SHLD1: variants seen among roughly 807,000 people sequenced by gnomAD.
SHLD1 encodes the protein RINN1-REV7-interacting novel NHEJ regulator 3.
In SHLD1, 3 loss-of-function variants were observed where a neutral mutation model predicts 5.5. That is an observed-to-expected ratio of 0.54 (90% confidence interval 0.25 to 1.40). The LOEUF (loss-of-function observed/expected upper bound fraction) is 1.40. Among genes scored for constraint, SHLD1 ranks in the 40% most tolerant of loss-of-function variants. The pLI is 0.15. For synonymous variants in SHLD1, 92 were observed against 94.3 expected, an observed-to-expected ratio of 0.98 and a Z score of 0.14; for missense variants, 210 against 244.4, an observed-to-expected ratio of 0.86 and a Z score of 0.94.
At chr20:5,830,688 T>TAAA (rs33975362) in intron 2 of SHLD1, among the ~76,000 whole-genome samples, 1 of 131,294 alleles carries the variant, frequency 7.6e-6, no homozygotes. Flanking sequence ...AACTCCGTCT[T>TAAA]AAAAAAAAAA....
At chr20:5,838,229 G>A (rs886843186) in intron 2 of SHLD1, among the ~76,000 whole-genome samples, 1 of 152,174 alleles carries the variant, frequency 6.6e-6, no homozygotes, top group Non-Finnish European at 1.5e-5. Flanking sequence ...GTAATAGGAT[G>A]TCAACACATA....
In SHLD1 at chr20:5,863,473, G is replaced by C; in HGVS notation, c.*10G>C. 1 of 1,584,386 alleles carries C rather than the reference G, an allele frequency of 6.3e-7. No homozygotes were observed. Among genetic ancestry groups the C allele is most frequent in the Non-Finnish European group, 8.6e-7 (1 of 1,166,084 alleles). ...AATGAAAGACCTGTAACTGGTGCCG[G>C]GCAGTGTGCAGGGTAGTAATGGAGG... On this transcript the variant is annotated 3_prime_UTR_variant, in exon 3 of 3. Transcript: ENST00000303142.
intron 2 of SHLD1, among the ~76,000 whole-genome samples, chr20:5,836,413 T>G (rs1026328646): frequency 6.6e-6 from 1 of 151,990 alleles, no homozygotes; most frequent in African/African-American, 2.4e-5. Context: ...CTTTTTAATG[T>G]CCCTGACCAG....
At chr20:5,777,993 GT>G in intron 2 of SHLD1, among the ~76,000 whole-genome samples, 1 of 151,890 alleles carries the variant, frequency 6.6e-6, no homozygotes, top group East Asian at 1.9e-4. Flanking sequence ...ACTTTTATAT[GT>G]TTTGCCACAA....
At chr20:5,847,960 T>G (rs552391157) in intron 2 of SHLD1, among the ~76,000 whole-genome samples, 1 of 152,174 alleles carries the variant, frequency 6.6e-6, no homozygotes, top group Non-Finnish European at 1.5e-5. Context: ...GAGGCCTTAT[T>G]TGTGATAGTG....
rs769080325 is a variant in SHLD1, at chr20:5,863,489, G to A, written c.*26G>A. The stretch of plus-strand genomic sequence containing the variant: ...CTGGTGCCGGGCAGTGTGCAGGGTA[G>A]TAATGGAGGTGCTGTGCCATGACCA... On this transcript the variant is annotated 3_prime_UTR_variant, in exon 3 of 3. Transcript: ENST00000303142. 1 of 1,564,218 alleles carries A rather than the reference G, an allele frequency of 6.4e-7. No individual in the cohort carries two copies. The highest frequency in any genetic ancestry group is 2.2e-5 in the East Asian group (1 of 44,686).
At chr20:5,799,846 A>G (rs2087266280) in intron 2 of SHLD1, among the ~76,000 whole-genome samples, 1 of 152,196 alleles carries the variant, frequency 6.6e-6, no homozygotes, top group African/African-American at 2.4e-5. Flanking sequence ...TGACCTAAAC[A>G]TGAGAACCTG....
At chr20:5,758,920 G>GTT (rs112543692) in intron 1 of SHLD1, among the ~76,000 whole-genome samples, 2 of 120,732 alleles carry the variant, frequency 1.7e-5, no homozygotes, top group Non-Finnish European at 1.8e-5. Flanking sequence ...TGTCAAATGT[G>GTT]TTTTTTTTTT....
chr20:5,764,340 A>T (rs117715622), intron 1 of SHLD1, among the ~76,000 whole-genome samples: 12 of 150,348 alleles, frequency 8.0e-5, no homozygotes, highest in South Asian at 4.2e-4. Context: ...TTAACTCCAC[A>T]AATGAGTATG....
intron 2 of SHLD1, among the ~76,000 whole-genome samples, chr20:5,779,972 GTTTTTTTTTTT>G (rs11381238): frequency 7.3e-5 from 6 of 81,786 alleles, no homozygotes; most frequent in African/African-American, 2.4e-4. Flanking sequence ...TACAATTTCT[GTTTTTTTTTTT>G]TTTTTTTTTT....
intron 1 of SHLD1, chr20:5,772,060 G>A (rs969129635): frequency 2.9e-5 from 12 of 412,448 alleles, no homozygotes; most frequent in Non-Finnish European, 5.9e-5. Flanking sequence ...ATTTGTAGTA[G>A]AGACAGGGTT....
At chr20:5,773,313 A>G in intron 2 of SHLD1, 1 of 603,592 alleles carries the variant, frequency 1.7e-6, no homozygotes, top group Non-Finnish European at 3.0e-6. Context: ...CTCAAAATGA[A>G]TTCAGAAGCA....
chr20:5,751,063 T>C (rs961294365), intron 1 of SHLD1, among the ~76,000 whole-genome samples: 4 of 152,172 alleles, frequency 2.6e-5, no homozygotes, highest in African/African-American at 9.7e-5. Flanking sequence ...TGTGCATCTA[T>C]TACTGTGATC....
intron 2 of SHLD1, among the ~76,000 whole-genome samples, chr20:5,799,090 C>A: frequency 6.6e-6 from 1 of 152,052 alleles, no homozygotes; most frequent in East Asian, 1.9e-4. Flanking sequence ...GTAGTCCTAG[C>A]TACTCAGGAG....
At chr20:5,858,150 G>A (rs961580675) in intron 2 of SHLD1, among the ~76,000 whole-genome samples, 3 of 150,752 alleles carry the variant, frequency 2.0e-5, no homozygotes, top group Non-Finnish European at 2.9e-5. Context: ...TAACCTCCTT[G>A]AAACCATACA....
intron 2 of SHLD1, among the ~76,000 whole-genome samples, chr20:5,859,460 G>C (rs2088132289): frequency 6.6e-6 from 1 of 152,194 alleles, no homozygotes; most frequent in South Asian, 2.1e-4. Flanking sequence ...CCCTTTGACA[G>C]CTCTACAAGG....
intron 2 of SHLD1, among the ~76,000 whole-genome samples, chr20:5,822,032 T>C (rs1441447995): frequency 6.6e-6 from 1 of 152,236 alleles, no homozygotes; most frequent in Non-Finnish European, 1.5e-5. Flanking sequence ...GGAGCCATCC[T>C]GGATGCTGGC....
chr20:5,836,032 C>G (rs1302166192), intron 2 of SHLD1, among the ~76,000 whole-genome samples: 1 of 151,908 alleles, frequency 6.6e-6, no homozygotes, highest in Non-Finnish European at 1.5e-5. Flanking sequence ...CACTATGTAA[C>G]AGTGGTTGAG....
chr20:5,850,678 T>G (rs534095655), intron 2 of SHLD1, among the ~76,000 whole-genome samples: 2 of 152,014 alleles, frequency 1.3e-5, no homozygotes, highest in East Asian at 3.9e-4. Flanking sequence ...ACCCAGCTAA[T>G]TTTTGTATTT....
Sources: allele counts gnomAD v4.1 joint callset (sites outside exome capture counted in the v4.1 genomes callset), GRCh38; gene constraint gnomAD v4.1.1; transcripts MANE v1.5; gene names NCBI Gene and HGNC (gene_info 2026-07-23, HGNC 2026-07-21).